TRARG1: variants seen among roughly 807,000 people sequenced by gnomAD.
The protein encoded by TRARG1 is trafficking regulator of GLUT4 (SLC2A4) 1 (gene/pseudogene), also known as trafficking regulator of GLUT4 1.
In TRARG1, 16 loss-of-function variants were observed where a neutral mutation model predicts 13.3. That is an observed-to-expected ratio of 1.20 (90% confidence interval 0.81 to 1.83). The LOEUF is 1.83. Ranked by LOEUF, TRARG1 falls within the 40% of genes most tolerant of loss-of-function variation. The pLI is 0.00. For missense variants in TRARG1, 250 were observed against 237.4 expected (o/e 1.05, Z -0.35); for synonymous variants, 113 against 106.2 (o/e 1.06, Z -0.39).
In TRARG1 at chr17:1,300,118, A is replaced by G; in HGVS notation, c.*1854A>G. ...TTTGCTTTATGGGATCTTTGAGACC[A>G]AAACAGATGCTCCTGTTTGCTGGGG... On this transcript the variant is annotated 3_prime_UTR_variant, in exon 3 of 3. Transcript: ENST00000333813. 6.6e-6 allele frequency: 1 copy of G among 152,320 alleles called. No homozygotes were observed. Among genetic ancestry groups the G allele is most frequent in the South Asian group, 2.1e-4 (1 of 4,836 alleles). The allele number at this position is 152,320 out of a possible 1,614,324, so 9.4% of individuals were successfully genotyped here.
intron 1 of TRARG1, among the ~76,000 whole-genome samples, chr17:1,289,621 ACTC>A (rs970641395): frequency 1.5e-5 from 2 of 133,074 alleles, no homozygotes; most frequent in Admixed American, 7.4e-5. Flanking sequence ...ACCCTCTCCC[ACTC>A]CTCCTCAGGC....
Position 1,295,634 on chromosome 17 carries a change from G to A in TRARG1, c.520+11G>A, listed in dbSNP as rs750524117. 6.2e-7 allele frequency: 1 copy of A among 1,605,260 alleles called. No individual in the cohort carries two copies. Among genetic ancestry groups the A allele is most frequent in the South Asian group, 1.1e-5 (1 of 89,968 alleles). On this transcript the variant is annotated intron_variant, in intron 2 of 2. Transcript: ENST00000333813. ...CCGTCAACTTCACAGGTGAGACCCA[G>A]CTCCTTGGAGAGGAGGAAGCCAGCT...
chr17:1,295,478 G>C lies in TRARG1; in HGVS notation c.388-13G>C. ...TTCCCGGTTCCCGGGGTCTCTCTGT[G>C]CTCTCTCCGCAGTCTCGAAGCAGCA... On this transcript the variant is annotated splice_polypyrimidine_tract_variant and intron_variant, in intron 1 of 2. Coordinates refer to ENST00000333813, the MANE Select transcript of TRARG1 (RefSeq NM_172367.3). The C allele has an allele frequency of 6.3e-7, 1 of 1,593,864 alleles. No homozygotes were observed. Among genetic ancestry groups the C allele is most frequent in the South Asian group, 1.1e-5 (1 of 88,436 alleles).
chr17:1,290,246 C>G (rs1482181295), intron 1 of TRARG1, among the ~76,000 whole-genome samples: 1 of 152,226 alleles, frequency 6.6e-6, no homozygotes. Context: ...CACTGGCTCC[C>G]TGTTCCTGCA....
intron 1 of TRARG1, among the ~76,000 whole-genome samples, 161 bp from the exon 2 acceptor site, chr17:1,295,330 G>A (rs549507594): frequency 1.2e-4 from 18 of 152,336 alleles, no homozygotes; most frequent in Middle Eastern, 6.8e-3. Flanking sequence ...CCACTTCTCC[G>A]GGGACAGCCC....
intron 2 of TRARG1, 28 bp downstream of exon 2, chr17:1,295,651 A>G: frequency 1.1e-5 from 17 of 1,597,704 alleles, no homozygotes; most frequent in Non-Finnish European, 1.4e-5. Flanking sequence ...GGAGAGGAGG[A>G]AGCCAGCTTG....
chr17:1,296,071 C>T (rs956743997), intron 2 of TRARG1, among the ~76,000 whole-genome samples: 9 of 152,168 alleles, frequency 5.9e-5, no homozygotes, highest in East Asian at 5.8e-4. Context: ...TGCAGTCAGC[C>T]GGGGAACCCC....
chr17:1,280,816 C>T (rs2071967756), intron 1 of TRARG1, among the ~76,000 whole-genome samples: 1 of 152,214 alleles, frequency 6.6e-6, no homozygotes, highest in Non-Finnish European at 1.5e-5. Flanking sequence ...TGTGTCCTCC[C>T]AGGCCACCTG....
chr17:1,297,805 A>AC (rs2072123244), intron 2 of TRARG1, among the ~76,000 whole-genome samples: 2 of 151,980 alleles, frequency 1.3e-5, no homozygotes, highest in Non-Finnish European at 2.9e-5. Context: ...GGGTTTCACC[A>AC]CGTTGGTCAG....
In TRARG1 at chr17:1,280,176, G is replaced by C; in HGVS notation, c.175G>C (p.Gly59Arg). The change falls in exon 1 of 3, where the codon GGC (glycine) becomes CGC (arginine). Residue 59 changes from glycine (G) to arginine (R), a missense_variant. Coordinates refer to ENST00000333813, the MANE Select transcript of TRARG1 (RefSeq NM_172367.3). ...TCTGGATCTGGAGCAGAACAGCCAG[G>C]GCCTACCCTTCAAGGCCATCTCCGA... ...GPLDLEQNSQ[G>R]LPFKAISEGH... 2 of 1,614,006 alleles carry C rather than the reference G, an allele frequency of 1.2e-6. No individual in the cohort carries two copies. The highest frequency in any genetic ancestry group is 2.2e-5 in the South Asian group (2 of 91,058).
chr17:1,283,189 C>T (rs1357943828), intron 1 of TRARG1, among the ~76,000 whole-genome samples: 1 of 152,016 alleles, frequency 6.6e-6, no homozygotes, highest in Non-Finnish European at 1.5e-5. Flanking sequence ...GTCATTCAAA[C>T]GGCTCTTCTC....
At chr17:1,291,536 A>G (rs1033528250) in intron 1 of TRARG1, among the ~76,000 whole-genome samples, 2 of 152,200 alleles carry the variant, frequency 1.3e-5, no homozygotes, top group African/African-American at 4.8e-5. Context: ...CTCTCTGGCC[A>G]TGCTGAACTG....
rs2071964395 is a variant in TRARG1 at position 1,280,352 on chromosome 17, G to A, written c.351G>A (p.Trp117Ter). 3.1e-6 allele frequency: 5 copies of A among 1,610,840 alleles called. No homozygotes were observed. Among genetic ancestry groups the A allele is most frequent in the Non-Finnish European group, 4.2e-6 (5 of 1,178,668 alleles). Residue 117 changes from tryptophan (W) to a stop codon, truncating the protein, a stop_gained, in exon 1 of 3, where the codon TGG becomes TGA. Transcript: ENST00000333813. LOFTEE classifies it high-confidence loss of function. ...LAVVACFCPV[W>*]PLNLIPLIIS... ...TCGTCGCCTGCTTCTGCCCCGTCTG[G>A]CCCCTCAACCTCATCCCCCTCATCA...
chr17:1,284,012 G>A (rs2072002656), intron 1 of TRARG1, among the ~76,000 whole-genome samples: 1 of 152,120 alleles, frequency 6.6e-6, no homozygotes, highest in Middle Eastern at 3.4e-3. Flanking sequence ...CTACTCAGGA[G>A]GCTGAGGCAG....
At chr17:1,295,277 G>A (rs892068422) in intron 1 of TRARG1, among the ~76,000 whole-genome samples, 2 of 152,236 alleles carry the variant, frequency 1.3e-5, no homozygotes, top group Non-Finnish European at 2.9e-5. Context: ...TCCCCAGCTG[G>A]TGAGGGACAG....
chr17:1,282,045 T>C (rs1485817002), intron 1 of TRARG1, among the ~76,000 whole-genome samples: 3 of 137,194 alleles, frequency 2.2e-5, no homozygotes, highest in African/African-American at 5.7e-5. Context: ...TACACACATA[T>C]GTACACATAT....
intron 1 of TRARG1, among the ~76,000 whole-genome samples, chr17:1,290,769 T>G (rs1246225420): frequency 3.3e-5 from 5 of 152,016 alleles, no homozygotes; most frequent in African/African-American, 1.2e-4. Context: ...CCCACCCAAA[T>G]CTCACCTTGA....
rs2072144769 is a variant in TRARG1, at chr17:1,300,192, CAG to C, written c.*1929_*1930del. On this transcript the variant is annotated 3_prime_UTR_variant, in exon 3 of 3. Coordinates refer to ENST00000333813, the MANE Select transcript of TRARG1 (RefSeq NM_172367.3). ...CTGTCCCTCGTGAAGTCACGTCACA[CAG>C]GGGAGAGGCGAGGTCGATGGAACTG... 2 of 152,250 alleles carry C rather than the reference CAG, an allele frequency of 1.3e-5. No individual in the cohort carries two copies. Among genetic ancestry groups the C allele is most frequent in the South Asian group, 2.1e-4 (1 of 4,836 alleles). The allele number at this position is 152,250 out of a possible 1,614,324, so 9.4% of individuals were successfully genotyped here.
chr17:1,281,509 T>C (rs750687216), intron 1 of TRARG1, among the ~76,000 whole-genome samples: 9 of 152,118 alleles, frequency 5.9e-5, no homozygotes, highest in Non-Finnish European at 1.3e-4. Context: ...CAGGGAAGCC[T>C]TCCCCATCCC....
Sources: gnomAD v4.1 joint callset for allele counts (sites outside exome capture counted in the v4.1 genomes callset) on GRCh38, gnomAD v4.1.1 for gene constraint, MANE v1.5 for transcripts, NCBI Gene and HGNC (gene_info 2026-07-23, HGNC 2026-07-21) for gene names.